PLCG2: variants seen among roughly 807,000 people sequenced by gnomAD.
The protein encoded by PLCG2 is phospholipase C gamma 2, also known as 1-phosphatidylinositol 4,5-bisphosphate phosphodiesterase gamma-2.
In PLCG2, 69 loss-of-function variants were observed where a neutral mutation model predicts 175.6. That is an observed-to-expected ratio of 0.39 (90% CI 0.32 to 0.48). The LOEUF is 0.48. Among genes scored for constraint, PLCG2 ranks in the 20% least tolerant of loss-of-function variants. The pLI, the probability that PLCG2 is intolerant of heterozygous loss-of-function variation, is 0.91. For synonymous variants in PLCG2, 827 were observed against 624.0 expected (o/e 1.33, Z -4.85); for missense variants, 1,798 against 1,650.9 (o/e 1.09, Z -1.54).
At chr16:81,803,266 C>T (rs1399676554) in intron 2 of PLCG2, among the ~76,000 whole-genome samples, 1 of 151,704 alleles carries the variant, frequency 6.6e-6, no homozygotes, top group East Asian at 1.9e-4. Context: ...CTACAGGTGC[C>T]CACCACCACG....
At chr16:81,870,079 G>A (rs978063358) in intron 6 of PLCG2, among the ~76,000 whole-genome samples, 1 of 152,138 alleles carries the variant, frequency 6.6e-6, no homozygotes, top group Admixed American at 6.5e-5. Context: ...TGCTTATCAA[G>A]CATCCTTTGA....
intron 24 of PLCG2, among the ~76,000 whole-genome samples, chr16:81,930,329 G>A (rs919389750): frequency 5.5e-4 from 84 of 152,166 alleles, no homozygotes; most frequent in African/African-American, 2.0e-3. Flanking sequence ...TCTGTGTCTG[G>A]AGAACCCACG....
In PLCG2 at chr16:81,956,737, A is replaced by C. The variant is rs1360594904; in HGVS notation, c.3613A>C (p.Arg1205=). The C allele has an allele frequency of 9.3e-6, 15 of 1,614,046 alleles. No individual in the cohort carries two copies. The highest frequency in any genetic ancestry group is 4.5e-5 in the East Asian group (2 of 44,900). Residue 1205 remains arginine (R), a synonymous_variant, in exon 32 of 33, where the codon AGG becomes CGG. Coordinates refer to ENST00000564138, the MANE Select transcript of PLCG2 (RefSeq NM_002661.5). The part of the protein sequence containing the change: ...ELYSSCRQLR[R]RQEELNNQLF... ...TTACTCCTCCTGTCGCCAGCTGAGG[A>C]GGCGGCAAGAAGAACTGAACAACCA...
chr16:81,790,203 T>C (rs939618823), intron 2 of PLCG2, among the ~76,000 whole-genome samples: 3 of 152,188 alleles, frequency 2.0e-5, no homozygotes, highest in Admixed American at 2.0e-4. Context: ...AACCACCACT[T>C]TCAGGATGTT....
In PLCG2 at chr16:81,845,027, C is replaced by G. The variant is rs1054239057; in HGVS notation, c.194-9417C>G. 7.2e-5 allele frequency among the ~76,000 whole-genome samples: 11 copies of G among 152,354 alleles called. No homozygotes were observed. The East Asian group carries it at 2.1e-3, about 29-fold the overall frequency. On this transcript the variant is annotated intron_variant, in intron 2 of 32. Coordinates refer to ENST00000564138, the MANE Select transcript of PLCG2 (RefSeq NM_002661.5). ...CATTGCAGCCTCAAACTCCTGAGCT[C>G]AAGCAATTCTCCTCCCTCAACTTCT...
intron 32 of PLCG2, 124 bp from the exon 33 acceptor site, chr16:81,957,832 C>T: frequency 2.5e-6 from 2 of 803,746 alleles, no homozygotes; most frequent in South Asian, 3.3e-5. Flanking sequence ...CTCTCTGACA[C>T]TCAGCCCTAT....
At chr16:81,935,325 C>T (rs191644710) in intron 26 of PLCG2, among the ~76,000 whole-genome samples, 298 of 152,186 alleles carry the variant, frequency 2.0e-3, no homozygotes, top group African/African-American at 6.8e-3. Context: ...ATAAGCCTCC[C>T]ATTTCAAGCT....
chr16:81,897,760 G>T (rs1181204787), intron 13 of PLCG2: 1 of 446,428 alleles, frequency 2.2e-6, no homozygotes, highest in Non-Finnish European at 4.5e-6. Context: ...GGCCAGGTTG[G>T]TCTTGAACTC....
intron 2 of PLCG2, among the ~76,000 whole-genome samples, chr16:81,824,525 G>C (rs1904960070): frequency 6.6e-6 from 1 of 152,202 alleles, no homozygotes; most frequent in Non-Finnish European, 1.5e-5. Flanking sequence ...AGCCAGGTGT[G>C]GCTGGCACTT....
At chr16:81,862,214 C>T (rs1346936030) in intron 5 of PLCG2, among the ~76,000 whole-genome samples, 3 of 152,210 alleles carry the variant, frequency 2.0e-5, no homozygotes, top group East Asian at 1.9e-4. Context: ...AGACTGAAGG[C>T]GAGAGGGGGC....
upstream of PLCG2, among the ~76,000 whole-genome samples, chr16:81,776,446 A>G (rs1033345812): frequency 6.6e-6 from 1 of 151,476 alleles, no homozygotes; most frequent in East Asian, 2.0e-4. Context: ...TATTCCATGG[A>G]AAAGAAAGAA....
upstream of PLCG2, among the ~76,000 whole-genome samples, chr16:81,774,340 C>A (rs993803283): frequency 6.6e-6 from 1 of 151,694 alleles, no homozygotes; most frequent in Non-Finnish European, 1.5e-5. Flanking sequence ...GTAAAAAAAA[C>A]AAAACAAAAC....
chr16:81,811,261 G>A (rs1223724809), intron 2 of PLCG2, among the ~76,000 whole-genome samples: 1 of 152,122 alleles, frequency 6.6e-6, no homozygotes, highest in Non-Finnish European at 1.5e-5. Flanking sequence ...TACCTTCCTC[G>A]TGTGTGGGTG....
chr16:81,797,694 CTG>C (rs1911533294), intron 2 of PLCG2, among the ~76,000 whole-genome samples: 1 of 152,230 alleles, frequency 6.6e-6, no homozygotes, highest in South Asian at 2.1e-4. Flanking sequence ...GCAGCAGTAT[CTG>C]GGGTTGAGAT....
intron 1 of PLCG2, among the ~76,000 whole-genome samples, chr16:81,739,999 G>C (rs1909549701): frequency 6.6e-6 from 1 of 152,012 alleles, no homozygotes; most frequent in South Asian, 2.1e-4. Context: ...TTAGCTGTGT[G>C]TGGTGGCCCA....
At chr16:81,834,533 C>T (rs1047795579) in intron 2 of PLCG2, among the ~76,000 whole-genome samples, 12 of 152,072 alleles carry the variant, frequency 7.9e-5, no homozygotes, top group Admixed American at 6.6e-5. Flanking sequence ...TGGGAGAGAC[C>T]GCTGAGATGA....
At chr16:81,943,849 T>C (rs1911050094) in intron 30 of PLCG2, among the ~76,000 whole-genome samples, 1 of 152,146 alleles carries the variant, frequency 6.6e-6, no homozygotes, top group African/African-American at 2.4e-5. Flanking sequence ...CCATAAACCC[T>C]ACCAGGAAAT....
intron 2 of PLCG2, among the ~76,000 whole-genome samples, chr16:81,841,970 C>G (rs1055778335): frequency 6.6e-6 from 1 of 152,234 alleles, no homozygotes; most frequent in Non-Finnish European, 1.5e-5. Context: ...ACCATTCAGC[C>G]TAGTAGCTAA....
intron 2 of PLCG2, among the ~76,000 whole-genome samples, chr16:81,771,585 A>C (rs1208041128): frequency 6.6e-6 from 1 of 151,948 alleles, no homozygotes; most frequent in Non-Finnish European, 1.5e-5. Flanking sequence ...TGTGATAGTA[A>C]ATGCCTCTTC....
Sources: allele counts gnomAD v4.1 joint callset (sites outside exome capture counted in the v4.1 genomes callset), GRCh38; gene constraint gnomAD v4.1.1; transcripts MANE v1.5; gene names NCBI Gene and HGNC (gene_info 2026-07-23, HGNC 2026-07-21).